Variants in CFAP251 observed in about 807,000 individuals in gnomAD.
CFAP251 encodes the protein cilia and flagella associated protein 251, also known as cilia- and flagella-associated protein 251.
A neutral mutation model predicts 126.7 loss-of-function variants in CFAP251; 93 were observed. The observed-to-expected ratio is 0.73, with a 90% CI of 0.62 to 0.87. The LOEUF (loss-of-function observed/expected upper bound fraction) is 0.87. Ranked by LOEUF, CFAP251 falls within the 40% of genes least tolerant of loss-of-function variation. CFAP251 has a pLI of 0.00. For synonymous variants in CFAP251, 503 were observed against 506.9 expected (o/e 0.99, Z 0.10); for missense variants, 1,287 against 1,389.2 (o/e 0.93, Z 1.17).
chr12:121,953,923 C>A, intron 9 of CFAP251, 197 bp from the exon 10 acceptor site: 1 of 596,354 alleles, frequency 1.7e-6, no homozygotes, highest in Admixed American at 3.1e-5. Flanking sequence ...TAACCCTTCA[C>A]TTGCTCTTAG....
intron 9 of CFAP251, 105 bp downstream of exon 9, chr12:121,951,635 G>A: frequency 1.3e-6 from 1 of 792,756 alleles, no homozygotes; most frequent in African/African-American, 1.7e-5. Flanking sequence ...TTGATATTAA[G>A]CTACTGGGAA....
intron 19 of CFAP251, among the ~76,000 whole-genome samples, chr12:121,992,993 C>CTCTCCCTCTCCCCACGG (rs1555220902): frequency 2.6e-4 from 38 of 148,090 alleles, no homozygotes; most frequent in Non-Finnish European, 4.7e-4. Flanking sequence ...CTCCCTCTCC[C>CTCTCCCTCTCCCCACGG]TCTCCCTCTC....
chr12:121,998,889 C>CAAAAAAAAAA (rs60289920), intron 19 of CFAP251: 1 of 30,598 alleles, frequency 3.3e-5, no homozygotes, highest in African/African-American at 1.0e-4. Flanking sequence ...GACCCTGTAT[C>CAAAAAAAAAA]AAAAAAAAAA....
intron 19 of CFAP251, among the ~76,000 whole-genome samples, chr12:121,982,152 C>T (rs1882636815): frequency 6.6e-6 from 1 of 151,996 alleles, no homozygotes; most frequent in Non-Finnish European, 1.5e-5. Context: ...GGTAAAGATA[C>T]TTTACATAAA....
intron 19 of CFAP251, among the ~76,000 whole-genome samples, chr12:121,990,535 C>G (rs1414445868): frequency 6.6e-6 from 1 of 152,184 alleles, no homozygotes; most frequent in Non-Finnish European, 1.5e-5. Context: ...GTGTCTTCCT[C>G]TGACCTCCTA....
At chr12:122,002,067 A>AC (rs1163006007) in intron 21 of CFAP251, 1 of 183,518 alleles carries the variant, frequency 5.4e-6, no homozygotes, top group East Asian at 1.2e-4. Flanking sequence ...TACAAAAAAA[A>AC]AACCAGGCTG....
chr12:121,964,530 T>A (rs1882055931), intron 15 of CFAP251, among the ~76,000 whole-genome samples: 1 of 152,202 alleles, frequency 6.6e-6, no homozygotes, highest in Non-Finnish European at 1.5e-5. Context: ...TGCCTGTTGA[T>A]GATCAATCTG....
chr12:121,974,437 A>G lies in CFAP251; in HGVS notation c.2772-807A>G, dbSNP rs931072001. Reference sequence around the variant, plus strand: ...TCTCATTTTATAGTGGAGGACACTGATGCCAGGGGGGTTAAGTCACCTCCC... The same window carrying G: ...TCTCATTTTATAGTGGAGGACACTGGTGCCAGGGGGGTTAAGTCACCTCCC... On this transcript the variant is annotated intron_variant, in intron 17 of 21. Transcript: ENST00000288912. The surrounding 1 kb of genome is among the most constrained non-coding windows in gnomAD (Gnocchi z 4.6). Among the ~76,000 whole-genome samples, 1 of 152,182 alleles carries G rather than the reference A, an allele frequency of 6.6e-6. No homozygotes were observed. The highest frequency in any genetic ancestry group is 1.5e-5 in the Non-Finnish European group (1 of 68,040).
At chr12:121,991,451 G>GT (rs1237336076) in intron 19 of CFAP251, among the ~76,000 whole-genome samples, 1 of 152,138 alleles carries the variant, frequency 6.6e-6, no homozygotes, top group African/African-American at 2.4e-5. Flanking sequence ...TCAAAGTGTG[G>GT]TCCCCAGACC....
chr12:121,921,662 A>G lies in CFAP251; in HGVS notation c.357A>G (p.Ser119=). The G allele has an allele frequency of 1.2e-6, 2 of 1,607,144 alleles. No homozygotes were observed. The highest frequency in any genetic ancestry group is 1.7e-6 in the Non-Finnish European group (2 of 1,177,758). The change falls in exon 2 of 22, where the codon TCA becomes TCG. Residue 119 remains serine, a synonymous_variant. Coordinates refer to ENST00000288912, the MANE Select transcript of CFAP251 (RefSeq NM_144668.6). ...AGACACAGATTACTGATTCCCAGTC[A>G]ATCACATCAGGAATTTTCCCAGTAA... is the stretch of plus-strand genomic sequence containing the variant. ...RLETQITDSQ[S]ITSGIFPKTQ... is the part of the protein sequence containing the mutation.
chr12:121,934,316 G>A lies in CFAP251; in HGVS notation c.958G>A (p.Gly320Arg). Residue 320 changes from glycine to arginine, a missense_variant, in exon 5 of 22, where the codon GGG becomes AGG. Physicochemically the swap from Gly to Arg is moderately radical, Grantham distance 125 (BLOSUM62 -2). Transcript: ENST00000288912. ...DRRWIATADKGPDCLVIIWDS... is the reference protein window; with the variant it reads ...DRRWIATADKRPDCLVIIWDS... ...GCGGTGGATCGCCACAGCAGACAAAGGGCCAGACTGCCTGGTGATTATATG... is the reference window on the plus strand; with the variant it reads ...GCGGTGGATCGCCACAGCAGACAAAAGGCCAGACTGCCTGGTGATTATATG... The A allele has an allele frequency of 6.2e-7, 1 of 1,614,066 alleles. No individual in the cohort carries two copies. The highest frequency in any genetic ancestry group is 8.5e-7 in the Non-Finnish European group (1 of 1,180,018).
chr12:121,962,547 C>G (rs946442160), intron 15 of CFAP251, among the ~76,000 whole-genome samples: 2 of 152,104 alleles, frequency 1.3e-5, no homozygotes, highest in Non-Finnish European at 2.9e-5. Context: ...TTACACCCTG[C>G]GTGAGCCAGG....
chr12:122,003,668 TGAA>T lies in CFAP251; in HGVS notation c.3361_3363del (p.Glu1121del), dbSNP rs1883194900. On this transcript the variant is annotated inframe_deletion, in exon 22 of 22. Transcript: ENST00000288912. ...TTTGGCTAGGTTCAGAAATTTGCCT[TGAA>T]GAAGAACTTCCAGACGAAATCACTG... 1.2e-6 allele frequency: 2 copies of T among 1,610,038 alleles called. No homozygotes were observed. The highest frequency in any genetic ancestry group is 1.1e-5 in the South Asian group (1 of 90,006).
intron 19 of CFAP251, among the ~76,000 whole-genome samples, chr12:121,991,066 TTAAC>T (rs1427117001): frequency 6.6e-6 from 1 of 152,212 alleles, no homozygotes; most frequent in Non-Finnish European, 1.5e-5. Flanking sequence ...TCGAGTAAAA[TTAAC>T]TAGGGCACTA....
intron 11 of CFAP251, among the ~76,000 whole-genome samples, chr12:121,957,597 G>C (rs756237998): frequency 1.3e-5 from 2 of 151,788 alleles, no homozygotes; most frequent in African/African-American, 4.8e-5. Flanking sequence ...CCAGCTACTC[G>C]GGAGGCTGAG....
intron 9 of CFAP251, among the ~76,000 whole-genome samples, chr12:121,952,227 A>C (rs1881553959): frequency 7.3e-6 from 1 of 136,272 alleles, no homozygotes; most frequent in South Asian, 2.5e-4. Context: ...CACAGGCTAG[A>C]CTTCGTTTCT....
chr12:121,954,631 T>C lies in CFAP251; in HGVS notation c.1535+297T>C, dbSNP rs552709351. Among the ~76,000 whole-genome samples, 378 of 40,440 alleles carry C rather than the reference T, an allele frequency of 9.3e-3. 1 individual carries two copies. The highest frequency in any genetic ancestry group is 0.029 in the Middle Eastern group (1 of 34). The allele number at this position is 40,440 out of a possible 152,430, so 26.5% of individuals were successfully genotyped here. On this transcript the variant is annotated intron_variant, in intron 10 of 21. Transcript: ENST00000288912. The stretch of plus-strand genomic sequence containing the variant: ...ACTGGGTGTTAGAGTGAGACCCTCC[T>C]GTCTTAAAAAAAAAAAAAAAAAAAA...
intron 3 of CFAP251, among the ~76,000 whole-genome samples, chr12:121,926,429 G>A (rs1455640252): frequency 6.6e-6 from 1 of 151,568 alleles, no homozygotes; most frequent in Non-Finnish European, 1.5e-5. Context: ...TGGGTTCAAT[G>A]GATCTTCCCA....
chr12:122,003,392 C>T (rs3741581), intron 21 of CFAP251, among the ~76,000 whole-genome samples: 8,052 of 151,898 alleles, frequency 0.053, 250 homozygotes, highest in Middle Eastern at 0.071. Flanking sequence ...GGTAACATAG[C>T]GAGACCCCAT....
Sources: allele counts gnomAD v4.1 joint callset (sites outside exome capture counted in the v4.1 genomes callset), GRCh38; gene constraint gnomAD v4.1.1; non-coding constraint Gnocchi (gnomAD v3.1); transcripts MANE v1.5; gene names NCBI Gene and HGNC (gene_info 2026-07-23, HGNC 2026-07-21).